The following INVS variants were observed in gnomAD, a reference collection of about 807,000 sequenced individuals.
INVS encodes the protein inversion of embryo turning homolog.
INVS carries 86 observed loss-of-function variants against 108.8 expected under a neutral mutation model. The ratio of observed to expected loss-of-function variants is 0.79; its 90% CI spans 0.66 to 0.95. The LOEUF (loss-of-function observed/expected upper bound fraction) is 0.95, where lower values mean the gene tolerates loss of function less well. Ranked by LOEUF, INVS falls within the 40% of genes least tolerant of loss-of-function variation. The probability of loss-of-function intolerance (pLI) is 0.00; values close to 1 mark genes in which losing one functional copy is unlikely to be tolerated. For missense variants in INVS, 1,169 were observed against 1,297.4 expected (o/e 0.90, Z 1.52); for synonymous variants, 455 against 473.5 (o/e 0.96, Z 0.51).
At chr9:100,262,619 T>C (rs188359505) in intron 10 of INVS, among the ~76,000 whole-genome samples, 1 of 145,938 alleles carries the variant, frequency 6.9e-6, no homozygotes, top group Non-Finnish European at 1.5e-5. Context: ...AAATTTTCTT[T>C]ATTCCTTACC....
chr9:100,148,802 C>T (rs1481352383), intron 3 of INVS, among the ~76,000 whole-genome samples: 1 of 152,158 alleles, frequency 6.6e-6, no homozygotes, highest in Admixed American at 6.5e-5. Context: ...ATAAAACCAA[C>T]ACATGTACAT....
At chr9:100,234,228 AT>A (rs1348453185) in intron 5 of INVS, among the ~76,000 whole-genome samples, 1 of 152,040 alleles carries the variant, frequency 6.6e-6, no homozygotes, top group African/African-American at 2.4e-5. Context: ...CCCCTATATC[AT>A]TTTTTATTGT....
chr9:100,180,342 TG>T (rs1352369931), intron 3 of INVS, among the ~76,000 whole-genome samples: 60 of 105,952 alleles, frequency 5.7e-4, no homozygotes, highest in African/African-American at 2.2e-3. Context: ...ATCCAGGAGC[TG>T]GTTTTTTTTT....
chr9:100,225,193 G>A (rs1831276736), intron 3 of INVS, among the ~76,000 whole-genome samples: 1 of 151,710 alleles, frequency 6.6e-6, no homozygotes, highest in Non-Finnish European at 1.5e-5. Flanking sequence ...GAGTAAATGG[G>A]ACTACAGGCG....
intron 3 of INVS, among the ~76,000 whole-genome samples, chr9:100,224,416 T>G (rs1831243201): frequency 6.6e-6 from 1 of 152,148 alleles, no homozygotes; most frequent in Non-Finnish European, 1.5e-5. Flanking sequence ...TTGGTCACAC[T>G]GACCTTGAAA....
chr9:100,144,551 A>T (rs538896269), intron 3 of INVS, among the ~76,000 whole-genome samples: 38 of 152,304 alleles, frequency 2.5e-4, no homozygotes, highest in Middle Eastern at 3.4e-3. Flanking sequence ...GAGAGGTCGG[A>T]TAAAGAAAAA....
intron 3 of INVS, among the ~76,000 whole-genome samples, chr9:100,173,808 A>G (rs1175116143): frequency 6.6e-6 from 1 of 152,214 alleles, no homozygotes; most frequent in Non-Finnish European, 1.5e-5. Context: ...ACCTCTACAT[A>G]TAAACTGCCA....
At chr9:100,292,254 T>A (rs1833640930) in intron 13 of INVS, 72 bp from the exon 14 acceptor site, 17 of 1,328,704 alleles carry the variant, frequency 1.3e-5, no homozygotes, top group Non-Finnish European at 1.8e-5. Context: ...TCTGAATATT[T>A]TATGTGAACA....
intron 3 of INVS, among the ~76,000 whole-genome samples, chr9:100,147,758 G>A (rs1828664758): frequency 6.6e-6 from 1 of 151,988 alleles, no homozygotes; most frequent in South Asian, 2.1e-4. Context: ...GGAAAACTAG[G>A]GAACTGTGAA....
In INVS at chr9:100,198,265, T is replaced by G. The variant is rs10989011; in HGVS notation, c.274-27797T>G. 1.5e-3 allele frequency among the ~76,000 whole-genome samples: 10 copies of G among 6,712 alleles called. No homozygotes were observed. In the South Asian group the frequency reaches 0.033, roughly 22 times the overall value. 4.4% of individuals were successfully genotyped at this position (6,712 alleles called of 152,430 possible). A position where few individuals can be genotyped will look rare whatever the true frequency, so the allele number is the denominator to read the frequency against. On this transcript the variant is annotated intron_variant, in intron 3 of 16. Coordinates refer to ENST00000262457, the MANE Select transcript of INVS (RefSeq NM_014425.5). ...CACATTTGAAGATTGAGGGCTAGAA[T>G]TTTTTTTTTTTTTTTTTTTTTTTTT...
chr9:100,262,524 TC>T (rs2118617475), intron 10 of INVS, among the ~76,000 whole-genome samples: 1 of 152,130 alleles, frequency 6.6e-6, no homozygotes. Flanking sequence ...TATTCCCTTA[TC>T]TTTTTTATGC....
intron 3 of INVS, among the ~76,000 whole-genome samples, chr9:100,220,659 A>C (rs543051740): frequency 1.3e-5 from 2 of 152,190 alleles, no homozygotes; most frequent in Non-Finnish European, 2.9e-5. Flanking sequence ...ACCGTCCTCC[A>C]AACAGGATCA....
chr9:100,172,601 A>C (rs1345937236), intron 3 of INVS, among the ~76,000 whole-genome samples: 1 of 152,222 alleles, frequency 6.6e-6, no homozygotes, highest in Non-Finnish European at 1.5e-5. Context: ...GGAAAGCTCT[A>C]AGAGAAGCTG....
At chr9:100,287,453 A>G (rs1407483183) in intron 13 of INVS, among the ~76,000 whole-genome samples, 1 of 152,178 alleles carries the variant, frequency 6.6e-6, no homozygotes, top group Non-Finnish European at 1.5e-5. Flanking sequence ...CATAGTTCCT[A>G]TTTGGTCACA....
chr9:100,288,343 T>G (rs934228830), intron 13 of INVS, among the ~76,000 whole-genome samples: 16 of 152,278 alleles, frequency 1.1e-4, no homozygotes, highest in African/African-American at 3.6e-4. Context: ...AGAGGCTTCT[T>G]TTTGATTTGA....
chr9:100,217,680 T>G (rs1226175681), intron 3 of INVS, among the ~76,000 whole-genome samples: 2 of 152,196 alleles, frequency 1.3e-5, no homozygotes, highest in African/African-American at 4.8e-5. Flanking sequence ...TTCTTTGCCC[T>G]GGTGGGTGAC....
chr9:100,286,160 T>C (rs751493925), intron 13 of INVS, among the ~76,000 whole-genome samples: 2 of 152,220 alleles, frequency 1.3e-5, no homozygotes, highest in Non-Finnish European at 2.9e-5. Context: ...ATTCATGTAG[T>C]GTACTTGTTA....
At chr9:100,202,036 A>G (rs1245004846) in intron 3 of INVS, among the ~76,000 whole-genome samples, 1 of 152,030 alleles carries the variant, frequency 6.6e-6, no homozygotes, top group East Asian at 1.9e-4. Context: ...CTTTTATAGA[A>G]CATTTCAGTT....
At chr9:100,257,982 G>C (rs1011546327) in intron 10 of INVS, among the ~76,000 whole-genome samples, 1 of 152,134 alleles carries the variant, frequency 6.6e-6, no homozygotes. Flanking sequence ...AAGTTCTCCT[G>C]GATAATATCC....
Sources: allele counts gnomAD v4.1 joint callset (sites outside exome capture counted in the v4.1 genomes callset), GRCh38; gene constraint gnomAD v4.1.1; transcripts MANE v1.5; gene names NCBI Gene and HGNC (gene_info 2026-07-23, HGNC 2026-07-21).